Variants in MED13 observed in about 807,000 individuals in gnomAD.
MED13 encodes mediator of RNA polymerase II transcription subunit 13.
MED13 carries 23 observed loss-of-function variants against 225.2 expected under a neutral mutation model. The observed-to-expected ratio is 0.10, with a 90% confidence interval of 0.07 to 0.14. The LOEUF is 0.14. MED13 is among the 10% of genes least tolerant of loss of function. The probability of loss-of-function intolerance (pLI) is 1.00; values close to 1 mark genes in which losing one functional copy is unlikely to be tolerated. For missense variants in MED13, 2,197 were observed against 2,594.5 expected (o/e 0.85, Z 3.33); for synonymous variants, 942 against 889.2 (o/e 1.06, Z -1.06).
chr17:62,043,957 A>G (rs891224414), intron 3 of MED13, among the ~76,000 whole-genome samples: 1 of 152,152 alleles, frequency 6.6e-6, no homozygotes, highest in African/African-American at 2.4e-5. Context: ...ATTAGATGAC[A>G]GGAAGAGAGG....
chr17:62,032,878 G>A (rs1360273712), intron 5 of MED13, among the ~76,000 whole-genome samples: 1 of 152,156 alleles, frequency 6.6e-6, no homozygotes, highest in South Asian at 2.1e-4. Context: ...GGCTGGGCAC[G>A]GTGGCTCACG....
At chr17:61,974,360 C>T (rs534076054) in intron 16 of MED13, among the ~76,000 whole-genome samples, 34 of 152,118 alleles carry the variant, frequency 2.2e-4, no homozygotes, top group African/African-American at 7.2e-4. Flanking sequence ...GCCATGATAG[C>T]GTAACACTGC....
At chr17:62,002,182 G>A (rs1444360907) in intron 9 of MED13, among the ~76,000 whole-genome samples, 1 of 152,056 alleles carries the variant, frequency 6.6e-6, no homozygotes, top group Non-Finnish European at 1.5e-5. Context: ...GAATTTAAGA[G>A]GGTTGTTTAA....
intron 9 of MED13, among the ~76,000 whole-genome samples, chr17:61,997,368 G>A (rs943121232): frequency 6.6e-6 from 1 of 152,028 alleles, no homozygotes; most frequent in African/African-American, 2.4e-5. Context: ...ACTGTCATTG[G>A]GGATATGTTT....
chr17:61,963,964 C>T (rs1473692756), intron 20 of MED13, among the ~76,000 whole-genome samples: 2 of 152,190 alleles, frequency 1.3e-5, no homozygotes, highest in African/African-American at 4.8e-5. Flanking sequence ...TCATATTACT[C>T]TCATCTTACA....
At chr17:61,973,661 C>G (rs954165238) in intron 16 of MED13, among the ~76,000 whole-genome samples, 2 of 152,116 alleles carry the variant, frequency 1.3e-5, no homozygotes, top group Non-Finnish European at 2.9e-5. Context: ...CCTAGTTTAT[C>G]GTTATTGGCC....
chr17:62,006,966 G>A (rs1179172325), intron 9 of MED13: 1 of 152,078 alleles, frequency 6.6e-6, no homozygotes, highest in Non-Finnish European at 1.5e-5. Context: ...ATCAAGTCGG[G>A]CGTGGTGGCT....
intron 2 of MED13, among the ~76,000 whole-genome samples, chr17:62,058,232 G>C (rs2081010398): frequency 6.6e-6 from 1 of 151,988 alleles, no homozygotes; most frequent in African/African-American, 2.4e-5. Context: ...AAAAAAAAGG[G>C]GCCAGGCATG....
intron 8 of MED13, among the ~76,000 whole-genome samples, chr17:62,015,455 T>G (rs540788782): frequency 6.6e-6 from 1 of 152,164 alleles, no homozygotes; most frequent in Non-Finnish European, 1.5e-5. Context: ...AAACAATAAG[T>G]TGCAGAAATA....
chr17:61,982,424 T>C lies in MED13; in HGVS notation c.3579A>G (p.Gln1193=). The C allele has an allele frequency of 6.2e-7, 1 of 1,614,236 alleles. No homozygotes were observed. The highest frequency in any genetic ancestry group is 2.2e-5 in the East Asian group (1 of 44,884). ...GTGAAAATAAATTAGTGCACTGATC[T>C]TGTAGCAATAATATCAAATCATCAG... ...KLSDDLILLL[Q]DQCTNLFSPF... The change falls in exon 16 of 30, where the codon CAA becomes CAG. Residue 1193 remains glutamine (Q), a synonymous_variant. Coordinates refer to ENST00000397786, the MANE Select transcript of MED13 (RefSeq NM_005121.3).
intron 1 of MED13, among the ~76,000 whole-genome samples, chr17:62,064,788 T>G (rs890698813): frequency 2.0e-5 from 3 of 151,900 alleles, no homozygotes; most frequent in African/African-American, 7.3e-5. Flanking sequence ...ATGTAAAGTG[T>G]GAAGCAGGGA....
chr17:61,967,200 T>TA (rs2080066441), intron 18 of MED13, among the ~76,000 whole-genome samples: 1 of 152,192 alleles, frequency 6.6e-6, no homozygotes, highest in South Asian at 2.1e-4. Flanking sequence ...TTCTTTACTG[T>TA]AAGAATTTCA....
At chr17:62,048,398 CAAAAAAAAA>C (rs555420453) in intron 3 of MED13, among the ~76,000 whole-genome samples, 71 of 68,094 alleles carry the variant, frequency 1.0e-3, no homozygotes, top group African/African-American at 2.5e-3. Context: ...GAGACTGTTT[CAAAAAAAAA>C]AAAAAAAAAA....
At chr17:62,003,621 A>AAAAAC (rs10679175) in intron 9 of MED13, 12 of 144,616 alleles carry the variant, frequency 8.3e-5, no homozygotes, top group African/African-American at 2.6e-4. Context: ...AAAAAAAAAA[A>AAAAAC]GCAAAAAGTG....
At chr17:62,017,755 T>A (rs1041326448) in intron 8 of MED13, among the ~76,000 whole-genome samples, 5 of 152,206 alleles carry the variant, frequency 3.3e-5, no homozygotes, top group Non-Finnish European at 7.3e-5. Flanking sequence ...ATGTCCTTCA[T>A]GAAGACAGCA....
chr17:62,027,701 G>A (rs1037954768), intron 8 of MED13, among the ~76,000 whole-genome samples: 1 of 151,952 alleles, frequency 6.6e-6, no homozygotes, highest in Non-Finnish European at 1.5e-5. Context: ...CTAATATCCA[G>A]TATCTAAAAA....
chr17:61,984,470 A>G lies in MED13; in HGVS notation c.2692-103T>C, dbSNP rs540946698. ...CTTTTTTCCTTTCTTTAAACAGAAT[A>G]AAATCTAAATACAATTCTATTATTT... On this transcript the variant is annotated intron_variant, in intron 14 of 29. Transcript: ENST00000397786. 1.1e-4 allele frequency: 111 copies of G among 996,758 alleles called. No homozygotes were observed. In the African/African-American group the frequency reaches 1.7e-3, roughly 15 times the overall value. 61.7% of individuals were successfully genotyped at this position (996,758 alleles called of 1,614,324 possible).
At position 62,029,159 on chromosome 17, in the gene MED13, T is replaced by C. The variant is rs1040852542; in HGVS notation, c.1283+382A>G. 4.4e-5 allele frequency: 7 copies of C among 160,604 alleles called. 1 individual carries two copies. Among genetic ancestry groups the C allele is most frequent in the Non-Finnish European group, 6.8e-5 (5 of 73,882 alleles). The allele number at this position is 160,604 out of a possible 1,614,324, so 9.9% of individuals were successfully genotyped here. On this transcript the variant is annotated intron_variant, in intron 8 of 29. Coordinates refer to ENST00000397786, the MANE Select transcript of MED13 (RefSeq NM_005121.3). ...AAGCAAGACCCTGTCTCTTCATTTTTTAAAAAAAGAAAGAACTCTTGGGAT... is the reference window on the plus strand; with the variant it reads ...AAGCAAGACCCTGTCTCTTCATTTTCTAAAAAAAGAAAGAACTCTTGGGAT...
intron 11 of MED13, 75 bp downstream of exon 11, chr17:61,992,465 A>G: frequency 1.2e-6 from 1 of 852,364 alleles, no homozygotes; most frequent in Non-Finnish European, 1.9e-6. Context: ...GAACATTAGA[A>G]GTCCAACAAT....
Sources: gnomAD v4.1 joint callset for allele counts (sites outside exome capture counted in the v4.1 genomes callset) on GRCh38, gnomAD v4.1.1 for gene constraint, MANE v1.5 for transcripts, NCBI Gene and HGNC (gene_info 2026-07-23, HGNC 2026-07-21) for gene names.